SETD3: variants seen among roughly 807,000 people sequenced by gnomAD.
SETD3 encodes the protein actin-histidine N-methyltransferase.
SETD3 carries 19 observed loss-of-function variants against 63.0 expected under a neutral mutation model. That is an observed-to-expected ratio of 0.30 (90% CI 0.21 to 0.44). The LOEUF (loss-of-function observed/expected upper bound fraction) is 0.44, where lower values mean the gene tolerates loss of function less well. SETD3 is among the 20% of genes least tolerant of loss of function. The probability of loss-of-function intolerance (pLI) is 1.00; values close to 1 mark genes in which losing one functional copy is unlikely to be tolerated. For missense variants in SETD3, 587 were observed against 728.5 expected, an observed-to-expected ratio of 0.81 and a Z score of 2.24; for synonymous variants, 286 against 264.1, an observed-to-expected ratio of 1.08 and a Z score of -0.80.
intron 1 of SETD3, among the ~76,000 whole-genome samples, chr14:99,479,196 G>A (rs2139830274): frequency 6.6e-6 from 1 of 152,330 alleles, no homozygotes; most frequent in Non-Finnish European, 1.5e-5. Context: ...TTGGAGGGCA[G>A]ACAGGAAAGG....
At chr14:99,458,173 T>A in intron 6 of SETD3, 106 bp downstream of exon 6, 3 of 1,275,720 alleles carry the variant, frequency 2.4e-6, no homozygotes, top group Non-Finnish European at 3.2e-6. Flanking sequence ...AAAAGTAAAA[T>A]GTTTAAGTAT....
At chr14:99,414,476 G>A (rs116336131) in intron 6 of SETD3, among the ~76,000 whole-genome samples, 191 of 152,262 alleles carry the variant, frequency 1.3e-3, no homozygotes, top group African/African-American at 4.4e-3. Flanking sequence ...TCATATACAC[G>A]GCAAATGCGG....
intron 3 of SETD3, among the ~76,000 whole-genome samples, chr14:99,462,606 G>C (rs796215584): frequency 3.9e-5 from 6 of 152,182 alleles, no homozygotes; most frequent in Non-Finnish European, 2.9e-5. Flanking sequence ...AAACTAAGGC[G>C]CTACCCACTT....
intron 1 of SETD3, among the ~76,000 whole-genome samples, chr14:99,479,934 A>G (rs1301681039): frequency 6.6e-6 from 1 of 151,638 alleles, no homozygotes; most frequent in African/African-American, 2.4e-5. Context: ...CGTCACTGTC[A>G]GCTCCTTTTC....
At chr14:99,476,616 T>C (rs552729731) in intron 1 of SETD3, among the ~76,000 whole-genome samples, 1 of 152,338 alleles carries the variant, frequency 6.6e-6, no homozygotes, top group East Asian at 1.9e-4. Context: ...GTAAATATTT[T>C]ATGGTAAAAG....
intron 8 of SETD3, chr14:99,412,696 T>C (rs1892062738): frequency 1.3e-5 from 5 of 382,712 alleles, no homozygotes; most frequent in East Asian, 1.3e-4. Context: ...AGCAAACACA[T>C]GTAGTTCACT....
rs772454109 is a variant in SETD3, at chr14:99,458,516, G to C, written c.438C>G (p.Asp146Glu). The C allele has an allele frequency of 2.5e-6, 4 of 1,613,994 alleles. No individual in the cohort carries two copies. The highest frequency in any genetic ancestry group is 2.2e-5 in the East Asian group (1 of 44,904). ...NSVLGPLYSQ[D>E]RILQAMGNIA... is the part of the protein sequence containing the mutation. ...TGTTTCCCATGGCTTGAAGGATTCG[G>C]TCTTGAGAATATAAGGGCCCTGAAT... is the stretch of plus-strand genomic sequence containing the variant. Residue 146 changes from aspartate (D) to glutamate (E), a missense_variant, in exon 6 of 13, where the codon GAC (aspartate) becomes GAG (glutamate). By Grantham distance (45) the Asp-to-Glu change is conservative. Transcript: ENST00000331768.
intron 6 of SETD3, among the ~76,000 whole-genome samples, chr14:99,418,767 G>A (rs1457148174): frequency 6.6e-6 from 1 of 152,162 alleles, no homozygotes; most frequent in Non-Finnish European, 1.5e-5. Flanking sequence ...GAGAGAGTAA[G>A]AAGATGGACA....
upstream of SETD3, among the ~76,000 whole-genome samples, chr14:99,483,414 G>A (rs184842382): frequency 1.1e-4 from 16 of 152,294 alleles, no homozygotes; most frequent in African/African-American, 3.1e-4. Flanking sequence ...TTAGCCAGAT[G>A]TGGAGGTGCA....
At chr14:99,424,988 G>T (rs924569955) in intron 6 of SETD3, among the ~76,000 whole-genome samples, 1 of 152,086 alleles carries the variant, frequency 6.6e-6, no homozygotes, top group Non-Finnish European at 1.5e-5. Context: ...GCTGAGAAAG[G>T]GGATGGTGGG....
At chr14:99,464,717 C>CACT (rs1895270179) in intron 2 of SETD3, among the ~76,000 whole-genome samples, 1 of 152,356 alleles carries the variant, frequency 6.6e-6, no homozygotes, top group African/African-American at 2.4e-5. Context: ...ACAGCCAAGG[C>CACT]ACTAATTGCA....
In SETD3 at chr14:99,398,144, T is replaced by C. The variant is rs1891190356; in HGVS notation, c.*535A>G. ...TAAAAATAAGGTTGCCACCTTACCT[T>C]TTCTTTTGGTAATGGGGTGTTATTT... On this transcript the variant is annotated 3_prime_UTR_variant, in exon 13 of 13. Transcript: ENST00000331768. 1 of 152,376 alleles carries C rather than the reference T, an allele frequency of 6.6e-6. No homozygotes were observed. Among genetic ancestry groups the C allele is most frequent in the Non-Finnish European group, 1.5e-5 (1 of 68,164 alleles). The allele number at this position is 152,376 out of a possible 1,614,324, so 9.4% of individuals were successfully genotyped here. A position where few individuals can be genotyped will look rare whatever the true frequency, so the allele number is the denominator to read the frequency against.
At chr14:99,413,708 G>C (rs1892131311) in intron 7 of SETD3, among the ~76,000 whole-genome samples, 168 bp downstream of exon 7, 1 of 152,190 alleles carries the variant, frequency 6.6e-6, no homozygotes, top group Admixed American at 6.5e-5. Context: ...TGAAAATGCT[G>C]ATACTTATCC....
chr14:99,398,666 G>C lies in SETD3; in HGVS notation c.*13C>G, dbSNP rs750967808. Reference sequence around the variant, plus strand: ...CCTGCTCCACTGGATCCCCCATCCAGCTTCACCTCGAGCTACTCCTTAACT... The same window carrying C: ...CCTGCTCCACTGGATCCCCCATCCACCTTCACCTCGAGCTACTCCTTAACT... On this transcript the variant is annotated 3_prime_UTR_variant, in exon 13 of 13. Coordinates refer to ENST00000331768, the MANE Select transcript of SETD3 (RefSeq NM_032233.3). The C allele has an allele frequency of 1.2e-6, 2 of 1,608,504 alleles. No homozygotes were observed. Among genetic ancestry groups the C allele is most frequent in the Non-Finnish European group, 1.7e-6 (2 of 1,175,854 alleles).
At chr14:99,456,030 C>T (rs1176555870) in intron 6 of SETD3, among the ~76,000 whole-genome samples, 4 of 152,220 alleles carry the variant, frequency 2.6e-5, no homozygotes, top group Admixed American at 2.0e-4. Context: ...GTGGCACATG[C>T]CTGTAGTCCC....
intron 6 of SETD3, among the ~76,000 whole-genome samples, chr14:99,423,097 TG>T (rs1429742174): frequency 6.6e-6 from 1 of 152,182 alleles, no homozygotes; most frequent in African/African-American, 2.4e-5. Flanking sequence ...ACACTGTCCC[TG>T]GGTTGTTCTA....
chr14:99,440,514 G>A (rs954748672), intron 6 of SETD3, among the ~76,000 whole-genome samples: 9 of 152,160 alleles, frequency 5.9e-5, no homozygotes, highest in Non-Finnish European at 1.0e-4. Flanking sequence ...TACATCATGC[G>A]CAGGGGAGGG....
intron 6 of SETD3, among the ~76,000 whole-genome samples, chr14:99,426,767 G>C (rs1464873161): frequency 6.6e-6 from 1 of 152,162 alleles, no homozygotes; most frequent in Non-Finnish European, 1.5e-5. Context: ...CCAGGGGGGA[G>C]CATATTTAAA....
intron 2 of SETD3, among the ~76,000 whole-genome samples, chr14:99,464,289 G>A (rs569199615): frequency 6.6e-6 from 1 of 152,342 alleles, no homozygotes; most frequent in South Asian, 2.1e-4. Flanking sequence ...CATTGGTTTA[G>A]ACAGCCCCTT....
Sources: allele counts gnomAD v4.1 joint callset (sites outside exome capture counted in the v4.1 genomes callset), GRCh38; gene constraint gnomAD v4.1.1; transcripts MANE v1.5; gene names NCBI Gene and HGNC (gene_info 2026-07-23, HGNC 2026-07-21).